The following ADARB1 variants were observed in gnomAD, a reference collection of about 807,000 sequenced individuals.
The protein encoded by ADARB1 is adenosine deaminase RNA specific B1.
Under a neutral mutation model 52.4 loss-of-function variants are expected in ADARB1, and 10 were observed. The observed-to-expected ratio is 0.19, with a 90% confidence interval of 0.12 to 0.32. The LOEUF (loss-of-function observed/expected upper bound fraction) is 0.32. Among genes scored for constraint, ADARB1 ranks in the 10% least tolerant of loss-of-function variants. ADARB1 has a pLI of 1.00. For missense variants in ADARB1, 643 were observed against 922.3 expected (o/e 0.70, Z 3.92); for synonymous variants, 349 against 371.1 (o/e 0.94, Z 0.68).
chr21:45,212,832 GA>G (rs1177247481), intron 9 of ADARB1, among the ~76,000 whole-genome samples: 2 of 152,122 alleles, frequency 1.3e-5, no homozygotes, highest in Non-Finnish European at 2.9e-5. Flanking sequence ...ATCTATATGA[GA>G]AAACAGAACA....
At chr21:45,114,165 A>C (rs1203582226) in intron 1 of ADARB1, among the ~76,000 whole-genome samples, 3 of 152,156 alleles carry the variant, frequency 2.0e-5, no homozygotes, top group Admixed American at 2.0e-4. Context: ...GAAGGCTTGG[A>C]GGTTGTTTTG....
In ADARB1 at chr21:45,221,185, C is replaced by T. The variant is rs951692318; in HGVS notation, c.1926+171C>T. 8.3e-4 allele frequency among the ~76,000 whole-genome samples: 127 copies of T among 152,250 alleles called. 2 individuals are homozygous for T. Among genetic ancestry groups the T allele is most frequent in the Non-Finnish European group, 3.1e-4 (21 of 68,044 alleles). ...TTGTTTTAGCTTAGAAGTGTGGCTA[C>T]GTCCCTGAAACCTTAATGCCATCTC... On this transcript the variant is annotated intron_variant, in intron 10 of 10. Coordinates refer to ENST00000348831, the MANE Select transcript of ADARB1 (RefSeq NM_001112.4). This position sits in a 1 kb window ranked among gnomAD's most constrained non-coding sequence, Gnocchi z 4.9.
At chr21:45,083,595 C>G (rs969746361) in intron 1 of ADARB1, among the ~76,000 whole-genome samples, 1 of 152,204 alleles carries the variant, frequency 6.6e-6, no homozygotes, top group Non-Finnish European at 1.5e-5. Context: ...TTGACAGAAA[C>G]AAGAATATTT....
At chr21:45,125,438 T>A (rs925077009) in intron 1 of ADARB1, among the ~76,000 whole-genome samples, 2 of 152,254 alleles carry the variant, frequency 1.3e-5, no homozygotes, top group African/African-American at 4.8e-5. Context: ...TCTCTGCATG[T>A]AGCCCCTGTG....
In ADARB1 at chr21:45,182,488, G is replaced by C. The variant is rs1201913640; in HGVS notation, c.1079-97G>C. 2.9e-6 allele frequency: 4 copies of C among 1,360,908 alleles called. No homozygotes were observed. In the East Asian group the frequency reaches 9.8e-5, roughly 33 times the overall value. 84.3% of individuals were successfully genotyped at this position (1,360,908 alleles called of 1,614,324 possible). ...TGAAAAGTCTGTTGGCCCCTGAAAAGTTAAGTCACTGAGAATAAGAGTCAG... is the reference window on the plus strand; with the variant it reads ...TGAAAAGTCTGTTGGCCCCTGAAAACTTAAGTCACTGAGAATAAGAGTCAG... On this transcript the variant is annotated intron_variant, in intron 5 of 10. Transcript: ENST00000348831.
Position 45,222,223 on chromosome 21 carries a change from AG to A in ADARB1, c.*31del. 3.4e-6 allele frequency: 5 copies of A among 1,461,782 alleles called. No homozygotes were observed. The highest frequency in any genetic ancestry group is 1.3e-5 in the South Asian group (1 of 75,952). 90.6% of individuals were successfully genotyped at this position (1,461,782 alleles called of 1,614,324 possible). ...CCCGGGCAGACATGATGGGGGGTGC[AG>A]GGGGCTGTGGGCATCCAGCGTCATC... On this transcript the variant is annotated 3_prime_UTR_variant, in exon 11 of 11. Coordinates refer to ENST00000348831, the MANE Select transcript of ADARB1 (RefSeq NM_001112.4).
chr21:45,209,318 G>C (rs1601994797), intron 9 of ADARB1, among the ~76,000 whole-genome samples: 2 of 152,218 alleles, frequency 1.3e-5, no homozygotes, highest in South Asian at 4.2e-4. Flanking sequence ...AGAGCTCCTG[G>C]TTTCTCTTCT....
chr21:45,096,913 G>A (rs1030514809), intron 1 of ADARB1, among the ~76,000 whole-genome samples: 6 of 152,148 alleles, frequency 3.9e-5, no homozygotes, highest in Non-Finnish European at 7.4e-5. Flanking sequence ...CTAATTTTTT[G>A]TATTTTTAGT....
At chr21:45,179,480 C>T (rs1212554662) in intron 4 of ADARB1, among the ~76,000 whole-genome samples, 3 of 152,188 alleles carry the variant, frequency 2.0e-5, no homozygotes, top group Non-Finnish European at 4.4e-5. Flanking sequence ...TCCCAGCAGA[C>T]ATCATTTCCC....
chr21:45,173,121 G>C (rs2091555210), intron 3 of ADARB1, among the ~76,000 whole-genome samples: 1 of 152,226 alleles, frequency 6.6e-6, no homozygotes, highest in African/African-American at 2.4e-5. Flanking sequence ...TGATCGTGTA[G>C]GTTCTGGAAC....
intron 1 of ADARB1, among the ~76,000 whole-genome samples, chr21:45,097,296 G>A (rs442380): frequency 0.87 from 132,202 of 152,198 alleles, 57,519 homozygotes; most frequent in Non-Finnish European, 0.9. Context: ...GGGAAGCCTG[G>A]TGTGCAAATG....
In ADARB1 at chr21:45,176,858, A is replaced by G. The variant is rs939085241; in HGVS notation, c.963+194A>G. Reference sequence around the variant, plus strand: ...GCCACTGAGAAGCCGTCTGCATCCTAGTGCATGCTGGGTCTGTCGCAATGC... The same window carrying G: ...GCCACTGAGAAGCCGTCTGCATCCTGGTGCATGCTGGGTCTGTCGCAATGC... On this transcript the variant is annotated intron_variant, in intron 4 of 10. Transcript: ENST00000348831. This position sits in a 1 kb window ranked among gnomAD's most constrained non-coding sequence, Gnocchi z 5.8. 6.6e-6 allele frequency among the ~76,000 whole-genome samples: 1 copy of G among 152,142 alleles called. No individual in the cohort carries two copies. The highest frequency in any genetic ancestry group is 2.4e-5 in the African/African-American group (1 of 41,416).
rs1229139684 is a variant in ADARB1, at chr21:45,223,774, C to CG, written c.*1583dup. The CG allele has an allele frequency of 1.0e-5, 10 of 985,380 alleles. No individual in the cohort carries two copies. The South Asian group carries it at 3.3e-4, about 32-fold the overall frequency. The allele number at this position is 985,380 out of a possible 1,614,324, so 61.0% of individuals were successfully genotyped here. A position where few individuals can be genotyped will look rare whatever the true frequency, so the allele number is the denominator to read the frequency against. Reference sequence around the variant, plus strand: ...CAAAACTGAAACACCGTGGCTTCGGCGGGGGGTGTGCCTCCTGATGTCAGG... The same window carrying CG: ...CAAAACTGAAACACCGTGGCTTCGGCGGGGGGGTGTGCCTCCTGATGTCAGG... On this transcript the variant is annotated 3_prime_UTR_variant, in exon 11 of 11. Transcript: ENST00000348831.
chr21:45,147,912 C>G (rs2090087282), intron 2 of ADARB1, among the ~76,000 whole-genome samples: 1 of 152,196 alleles, frequency 6.6e-6, no homozygotes, highest in African/African-American at 2.4e-5. Context: ...CACTTCTCCT[C>G]TGTCACCGAG....
intron 1 of ADARB1, among the ~76,000 whole-genome samples, chr21:45,123,437 G>T (rs1332286390): frequency 6.6e-6 from 1 of 152,168 alleles, no homozygotes; most frequent in Non-Finnish European, 1.5e-5. Context: ...CAGAGCAGTT[G>T]GGATTACAGA....
intron 9 of ADARB1, among the ~76,000 whole-genome samples, chr21:45,209,042 G>A (rs1191277329): frequency 1.3e-5 from 2 of 151,996 alleles, no homozygotes; most frequent in African/African-American, 4.8e-5. Context: ...CTGACCAGTG[G>A]TTACCCCAAT....
rs759387168 is a variant in ADARB1, at chr21:45,225,587, C to T, written c.*3390C>T. 7.5e-6 allele frequency: 10 copies of T among 1,328,708 alleles called. No individual in the cohort carries two copies. The highest frequency in any genetic ancestry group is 4.9e-6 in the Non-Finnish European group (5 of 1,027,544). 82.3% of individuals were successfully genotyped at this position (1,328,708 alleles called of 1,614,324 possible). ...GACGGCTCCGTCTTCACATTGTGCA[C>T]AGATCTGAGGATGGGATTAGCGAAG... is the stretch of plus-strand genomic sequence containing the variant. On this transcript the variant is annotated 3_prime_UTR_variant, in exon 11 of 11. Transcript: ENST00000348831.
At chr21:45,144,213 T>C (rs1174322908) in intron 2 of ADARB1, among the ~76,000 whole-genome samples, 1 of 152,258 alleles carries the variant, frequency 6.6e-6, no homozygotes, top group Non-Finnish European at 1.5e-5. Flanking sequence ...TTTAGAATTC[T>C]AATAAACTCA....
chr21:45,092,809 A>G (rs1346423483), intron 1 of ADARB1, among the ~76,000 whole-genome samples: 1 of 152,226 alleles, frequency 6.6e-6, no homozygotes, highest in Non-Finnish European at 1.5e-5. Flanking sequence ...CCTTTACCTG[A>G]ATAATAATTT....
Sources: allele counts gnomAD v4.1 joint callset (sites outside exome capture counted in the v4.1 genomes callset), GRCh38; gene constraint gnomAD v4.1.1; non-coding constraint Gnocchi (gnomAD v3.1); transcripts MANE v1.5; gene names NCBI Gene and HGNC (gene_info 2026-07-23, HGNC 2026-07-21).